The following PPARG variants were observed in gnomAD, a reference collection of about 807,000 sequenced individuals.
PPARG encodes peroxisome proliferator-activated receptor gamma.
Under a neutral mutation model 39.2 loss-of-function variants are expected in PPARG, and 17 were observed. The ratio of observed to expected loss-of-function variants is 0.43; its 90% confidence interval spans 0.30 to 0.65. The LOEUF is 0.65. Among genes scored for constraint, PPARG ranks in the 30% least tolerant of loss-of-function variants. The pLI is 0.13. For missense variants in PPARG, 406 were observed against 585.9 expected, an observed-to-expected ratio of 0.69 and a Z score of 3.17; for synonymous variants, 223 against 215.7, an observed-to-expected ratio of 1.03 and a Z score of -0.30.
intron 2 of PPARG, among the ~76,000 whole-genome samples, chr3:12,313,510 C>G (rs2047307261): frequency 6.6e-6 from 1 of 152,106 alleles, no homozygotes; most frequent in Non-Finnish European, 1.5e-5. Context: ...TTGGGATGCT[C>G]AACAAGTAAG....
intron 2 of PPARG, among the ~76,000 whole-genome samples, chr3:12,350,577 A>T (rs1428344543): frequency 1.3e-5 from 2 of 152,206 alleles, no homozygotes; most frequent in Non-Finnish European, 2.9e-5. Context: ...ACCTGCTCCC[A>T]CATCGGTAAT....
intron 2 of PPARG, 47 bp from the exon 3 acceptor site, chr3:12,379,657 G>A: frequency 6.6e-7 from 1 of 1,512,258 alleles, no homozygotes. Flanking sequence ...TGAGATTGCT[G>A]TGTTCTCTAG....
At chr3:12,290,866 T>C (rs891851040) in intron 1 of PPARG, among the ~76,000 whole-genome samples, 6 of 152,148 alleles carry the variant, frequency 3.9e-5, no homozygotes, top group African/African-American at 1.4e-4. Context: ...ACAAGAGGCT[T>C]TCATGAAGTA....
Position 12,434,098 on chromosome 3 carries a change from A to G in PPARG, c.1381A>G (p.Met461Val). The G allele has an allele frequency of 1.2e-6, 2 of 1,613,398 alleles. No homozygotes were observed. Among genetic ancestry groups the G allele is most frequent in the Non-Finnish European group, 8.5e-7 (1 of 1,179,814 alleles). Residue 461 changes from methionine (M) to valine (V), a missense_variant, in exon 8 of 8, where the codon ATG (methionine) becomes GTG (valine). Transcript: ENST00000651735. This position sits in a 1 kb window ranked among gnomAD's most constrained non-coding sequence, Gnocchi z 4.2. ...LQVIKKTETDMSLHPLLQEIY... is the reference protein window; with the variant it reads ...LQVIKKTETDVSLHPLLQEIY... Reference sequence around the variant, plus strand: ...GGTGATCAAGAAGACGGAGACAGACATGAGTCTTCACCCGCTCCTGCAGGA... The same window carrying G: ...GGTGATCAAGAAGACGGAGACAGACGTGAGTCTTCACCCGCTCCTGCAGGA...
At chr3:12,381,535 T>TA in intron 4 of PPARG, 44 bp downstream of exon 4, 1 of 1,590,926 alleles carries the variant, frequency 6.3e-7, no homozygotes, top group Non-Finnish European at 8.6e-7. Flanking sequence ...GAAACTTTAT[T>TA]ATTTCATTTC....
chr3:12,287,469 GT>G (rs1361674761), upstream of PPARG: 2 of 152,240 alleles, frequency 1.3e-5, no homozygotes, highest in Admixed American at 6.5e-5. Context: ...CTTTTAAAAT[GT>G]CACTGGAAAG....
intron 2 of PPARG, among the ~76,000 whole-genome samples, chr3:12,337,194 A>G (rs576936725): frequency 2.0e-5 from 3 of 152,344 alleles, no homozygotes; most frequent in Non-Finnish European, 2.9e-5. Flanking sequence ...ATTGTGTTAC[A>G]GCATAAGAAA....
chr3:12,303,074 T>C (rs1308917048), intron 1 of PPARG, among the ~76,000 whole-genome samples: 3 of 152,172 alleles, frequency 2.0e-5, no homozygotes, highest in Non-Finnish European at 4.4e-5. Context: ...AAGCGCATGA[T>C]TTTGCATTTC....
intron 6 of PPARG, among the ~76,000 whole-genome samples, chr3:12,411,940 C>T (rs866369568): frequency 3.9e-5 from 6 of 152,072 alleles, no homozygotes; most frequent in African/African-American, 1.4e-4. Flanking sequence ...AGTGTCTTTC[C>T]CTGGTAAAAC....
intron 2 of PPARG, among the ~76,000 whole-genome samples, chr3:12,366,420 T>G (rs184917413): frequency 7.9e-4 from 121 of 152,224 alleles, no homozygotes; most frequent in African/African-American, 2.8e-3. Context: ...CTTCCCAATC[T>G]GTATCCCTTT....
At chr3:12,344,152 C>T (rs1672638245) in intron 2 of PPARG, among the ~76,000 whole-genome samples, 1 of 152,136 alleles carries the variant, frequency 6.6e-6, no homozygotes, top group Admixed American at 6.6e-5. Flanking sequence ...TGAGCCACCA[C>T]GCCCAGCCAA....
intron 2 of PPARG, among the ~76,000 whole-genome samples, chr3:12,354,934 T>C (rs1178429103): frequency 2.5e-4 from 38 of 152,198 alleles, no homozygotes; most frequent in Admixed American, 2.5e-3. Flanking sequence ...AGAAAGCATC[T>C]TTGTGTCTAA....
chr3:12,343,272 T>C (rs936640633), intron 2 of PPARG, among the ~76,000 whole-genome samples: 2 of 152,184 alleles, frequency 1.3e-5, no homozygotes, highest in African/African-American at 4.8e-5. Context: ...CTTCACTCTG[T>C]TCCCTTTCCT....
chr3:12,386,395 G>A (rs1482657428), intron 4 of PPARG, among the ~76,000 whole-genome samples: 1 of 152,092 alleles, frequency 6.6e-6, no homozygotes, highest in African/African-American at 2.4e-5. Flanking sequence ...CATATACAGT[G>A]TATAATGTTC....
intron 7 of PPARG, among the ~76,000 whole-genome samples, chr3:12,430,133 G>T (rs1214551242): frequency 6.6e-6 from 1 of 152,180 alleles, no homozygotes; most frequent in Non-Finnish European, 1.5e-5. Flanking sequence ...GTTCTCTTGA[G>T]CCTTATCTCA....
At chr3:12,350,105 A>C (rs1307115172) in intron 2 of PPARG, among the ~76,000 whole-genome samples, 2 of 152,206 alleles carry the variant, frequency 1.3e-5, no homozygotes, top group Middle Eastern at 3.2e-3. Flanking sequence ...ACTTTGTAGT[A>C]TAAGTAAATT....
At chr3:12,395,555 GA>G (rs1227406299) in intron 5 of PPARG, among the ~76,000 whole-genome samples, 1 of 152,176 alleles carries the variant, frequency 6.6e-6, no homozygotes, top group African/African-American at 2.4e-5. Flanking sequence ...ACATGTTGTA[GA>G]AGAACATAGT....
At chr3:12,425,216 G>A (rs4135294) in intron 7 of PPARG, among the ~76,000 whole-genome samples, 19,966 of 152,228 alleles carry the variant, frequency 0.13, 1,509 homozygotes, top group Admixed American at 0.22. Flanking sequence ...CGAAGGAGAC[G>A]GGGAATGGCA....
chr3:12,340,107 A>G (rs1370730384), intron 2 of PPARG, among the ~76,000 whole-genome samples: 1 of 152,202 alleles, frequency 6.6e-6, no homozygotes, highest in Non-Finnish European at 1.5e-5. Context: ...CATGGAAGAA[A>G]CAATGGGCTA....
Sources: allele counts gnomAD v4.1 joint callset (sites outside exome capture counted in the v4.1 genomes callset), GRCh38; gene constraint gnomAD v4.1.1; non-coding constraint Gnocchi (gnomAD v3.1); transcripts MANE v1.5; gene names NCBI Gene and HGNC (gene_info 2026-07-23, HGNC 2026-07-21).